CIMAP2: variants seen among roughly 807,000 people sequenced by gnomAD.
CIMAP2 encodes ciliary microtubule-associated protein 2.
At chr1:54,814,847 C>G in the CIMAP2 span, 8 of 1,604,262 alleles carry the variant, frequency 5.0e-6, no homozygotes, top group Admixed American at 1.7e-5. Context: ...GAGCCCTCAC[C>G]TGCCCTGGGC....
the CIMAP2 span, among the ~76,000 whole-genome samples, chr1:54,820,062 T>C: frequency 6.9e-6 from 1 of 145,472 alleles, no homozygotes; most frequent in Non-Finnish European, 1.5e-5. Flanking sequence ...CTTCCCTCCC[T>C]CCCTATCTCC....
chr1:54,813,858 A>G, the CIMAP2 span: 6 of 1,613,398 alleles, frequency 3.7e-6, no homozygotes, highest in South Asian at 5.5e-5. Flanking sequence ...GCTTTGTAGA[A>G]GAACTTAACT....
At chr1:54,807,429 C>T in the CIMAP2 span, 9 of 1,389,866 alleles carry the variant, frequency 6.5e-6, no homozygotes, top group Non-Finnish European at 8.6e-6. Flanking sequence ...TTGCCTACTC[C>T]CTTCCTCCGG....
the CIMAP2 span, among the ~76,000 whole-genome samples, chr1:54,813,423 C>G: frequency 2.6e-5 from 4 of 152,344 alleles, no homozygotes; most frequent in East Asian, 5.8e-4. Context: ...AATAGTTTCA[C>G]TGCCGTCCAA....
the CIMAP2 span, among the ~76,000 whole-genome samples, chr1:54,806,813 G>C: frequency 4.0e-4 from 60 of 151,532 alleles, no homozygotes; most frequent in African/African-American, 1.4e-3. Context: ...GCTGGTGGGT[G>C]GGGTGGGGTG....
At chr1:54,822,851 T>G in the CIMAP2 span, among the ~76,000 whole-genome samples, 1 of 152,226 alleles carries the variant, frequency 6.6e-6, no homozygotes, top group Non-Finnish European at 1.5e-5. Context: ...CAGGAACATG[T>G]TGTTTAATTC....
chr1:54,814,998 G>A, the CIMAP2 span: 4 of 1,614,074 alleles, frequency 2.5e-6, no homozygotes, highest in Non-Finnish European at 2.5e-6. Context: ...GACCTCCAAG[G>A]GGTCAGGTGC....
the CIMAP2 span, chr1:54,814,910 G>T: frequency 6.2e-7 from 1 of 1,614,060 alleles, no homozygotes; most frequent in Non-Finnish European, 8.5e-7. Flanking sequence ...TTCCTTACTC[G>T]TAGGCCACAT....
the CIMAP2 span, among the ~76,000 whole-genome samples, chr1:54,808,562 A>T: frequency 1.5e-5 from 2 of 135,472 alleles, no homozygotes; most frequent in African/African-American, 5.3e-5. Flanking sequence ...GGGCTGGGTC[A>T]TGAGGGCCCT....
the CIMAP2 span, chr1:54,807,439 G>A: frequency 3.5e-6 from 5 of 1,409,480 alleles, no homozygotes; most frequent in African/African-American, 7.3e-5. Context: ...CCTTCCTCCG[G>A]GTCAGGGTGG....
chr1:54,812,109 T>A, the CIMAP2 span: 1 of 1,614,180 alleles, frequency 6.2e-7, no homozygotes. Context: ...TGTGGCACGA[T>A]CCGTCGGCAC....
the CIMAP2 span, among the ~76,000 whole-genome samples, chr1:54,826,931 A>G: frequency 6.6e-6 from 1 of 152,252 alleles, no homozygotes; most frequent in African/African-American, 2.4e-5. Flanking sequence ...CTAGTCAGCC[A>G]TCTTGAAGCC....
At chr1:54,838,311 C>T in the CIMAP2 span, among the ~76,000 whole-genome samples, 1 of 152,036 alleles carries the variant, frequency 6.6e-6, no homozygotes, top group Non-Finnish European at 1.5e-5. Flanking sequence ...GGTGAAAGCA[C>T]GTCTTTACTA....
the CIMAP2 span, among the ~76,000 whole-genome samples, chr1:54,833,181 C>T: frequency 6.6e-6 from 1 of 152,110 alleles, no homozygotes. Context: ...GACAGAGGTG[C>T]TAAAGCAATG....
the CIMAP2 span, among the ~76,000 whole-genome samples, chr1:54,812,952 AAGGACCTC>A: frequency 6.6e-6 from 1 of 152,158 alleles, no homozygotes; most frequent in Non-Finnish European, 1.5e-5. Flanking sequence ...GTTAACGTAG[AAGGACCTC>A]AGGACCAGCT....
At chr1:54,811,773 G>GCCA in the CIMAP2 span, 17 of 1,325,046 alleles carry the variant, frequency 1.3e-5, 1 homozygote, top group South Asian at 6.5e-5. Context: ...CAGCCTCCAT[G>GCCA]CCCCCACCCC....
At chr1:54,834,860 T>TG in the CIMAP2 span, among the ~76,000 whole-genome samples, 100 of 152,340 alleles carry the variant, frequency 6.6e-4, no homozygotes, top group African/African-American at 2.2e-3. Context: ...TTGGAGCATT[T>TG]GGATTTTAGA....
the CIMAP2 span, among the ~76,000 whole-genome samples, chr1:54,829,663 T>C: frequency 6.6e-6 from 1 of 152,328 alleles, no homozygotes; most frequent in African/African-American, 2.4e-5. Context: ...ACTGAAAATT[T>C]CATTTTTGCA....
chr1:54,832,259 T>C, the CIMAP2 span, among the ~76,000 whole-genome samples: 20 of 152,358 alleles, frequency 1.3e-4, no homozygotes, highest in African/African-American at 4.6e-4. Flanking sequence ...AAATAATTAT[T>C]TGGAGGATTT....
Sources: gnomAD v4.1 joint callset for allele counts (sites outside exome capture counted in the v4.1 genomes callset) on GRCh38, gnomAD v4.1.1 for gene constraint, MANE v1.5 for transcripts, NCBI Gene and HGNC (gene_info 2026-07-23, HGNC 2026-07-21) for gene names.